The following IGFL2 variants were observed in gnomAD, a reference collection of about 807,000 sequenced individuals.
IGFL2 encodes the protein IGF like family member 2, also known as insulin growth factor-like family member 2.
Under a neutral mutation model 13.9 loss-of-function variants are expected in IGFL2, and 7 were observed. The observed-to-expected ratio is 0.51, with a 90% CI of 0.29 to 0.95. The LOEUF is 0.95. IGFL2 is among the 40% of genes least tolerant of loss of function. The pLI, the probability that IGFL2 is intolerant of heterozygous loss-of-function variation, is 0.08. For synonymous variants in IGFL2, 55 were observed against 55.8 expected, an observed-to-expected ratio of 0.99 and a Z score of 0.07; for missense variants, 138 against 147.8, an observed-to-expected ratio of 0.93 and a Z score of 0.34.
chr19:46,165,647 G>A (rs549770336), downstream of IGFL2, among the ~76,000 whole-genome samples: 28 of 152,356 alleles, frequency 1.8e-4, no homozygotes, highest in African/African-American at 6.7e-4. Context: ...TCATGCAAGA[G>A]GGACAGGGCC....
At chr19:46,136,415 A>G in the IGFL2 span, among the ~76,000 whole-genome samples, 2 of 152,348 alleles carry the variant, frequency 1.3e-5, no homozygotes, top group South Asian at 2.1e-4. Flanking sequence ...AAAAGATGCT[A>G]TAGGTTCTTT....
intron 1 of IGFL2, chr19:46,148,924 A>G: frequency 6.4e-7 from 1 of 1,555,890 alleles, no homozygotes; most frequent in Non-Finnish European, 8.7e-7. Context: ...CTCGAACCAG[A>G]CCCAGCCCTG....
At chr19:46,105,907 G>C in the IGFL2 span, among the ~76,000 whole-genome samples, 1 of 152,156 alleles carries the variant, frequency 6.6e-6, no homozygotes, top group Non-Finnish European at 1.5e-5. Context: ...TAATGAAAAG[G>C]GTTGGGATGA....
upstream of IGFL2, among the ~76,000 whole-genome samples, chr19:46,144,771 A>G (rs1158056651): frequency 1.3e-5 from 2 of 152,184 alleles, no homozygotes; most frequent in African/African-American, 4.8e-5. Context: ...AAATCAGGTT[A>G]CAGAACAGTT....
the IGFL2 span, among the ~76,000 whole-genome samples, chr19:46,118,229 A>G: frequency 6.6e-6 from 1 of 152,220 alleles, no homozygotes; most frequent in African/African-American, 2.4e-5. Flanking sequence ...TTGGAGATGA[A>G]TCATAACGGC....
chr19:46,148,327 A>C (rs1365646680), intron 1 of IGFL2, 30 bp downstream of exon 1: 10 of 1,539,946 alleles, frequency 6.5e-6, no homozygotes, highest in Admixed American at 2.0e-5. Flanking sequence ...AGGTTGAGCT[A>C]ATGCCTACTG....
At chr19:46,192,985 T>G in the IGFL2 span, among the ~76,000 whole-genome samples, 1 of 144,212 alleles carries the variant, frequency 6.9e-6, no homozygotes, top group East Asian at 2.0e-4. Context: ...AGGTCAGGAG[T>G]TCGAGACCAG....
At chr19:46,182,128 A>G in the IGFL2 span, among the ~76,000 whole-genome samples, 100,648 of 151,896 alleles carry the variant, frequency 0.66, 34,467 homozygotes, top group Non-Finnish European at 0.77. Context: ...CAACACTTTG[A>G]GAGGCCGAGG....
chr19:46,165,297 G>A (rs145093154), downstream of IGFL2, among the ~76,000 whole-genome samples: 949 of 152,348 alleles, frequency 6.2e-3, 7 homozygotes, highest in Non-Finnish European at 8.8e-3. Flanking sequence ...AACTATGGAA[G>A]GGTGCTGAAG....
chr19:46,108,221 G>A, the IGFL2 span, among the ~76,000 whole-genome samples: 1 of 152,142 alleles, frequency 6.6e-6, no homozygotes, highest in Admixed American at 6.5e-5. Context: ...GGAGACTGAA[G>A]GAACAGTCAG....
At chr19:46,206,474 T>TTG in the IGFL2 span, among the ~76,000 whole-genome samples, 1 of 152,098 alleles carries the variant, frequency 6.6e-6, no homozygotes, top group Admixed American at 6.5e-5. Context: ...TCTGAACTCT[T>TTG]TGTGTGTGTG....
chr19:46,120,968 TAAG>T, the IGFL2 span, among the ~76,000 whole-genome samples: 22 of 150,908 alleles, frequency 1.5e-4, 1 homozygote, highest in South Asian at 1.0e-3. Context: ...AAAATAAACT[TAAG>T]AAGCCTTAGG....
At chr19:46,150,918 G>A (rs142863479) in intron 1 of IGFL2, among the ~76,000 whole-genome samples, 2 of 152,236 alleles carry the variant, frequency 1.3e-5, no homozygotes, top group African/African-American at 4.8e-5. Flanking sequence ...CCTCCTCCTT[G>A]GCCTCCCAAA....
chr19:46,164,795 T>C (rs1474386753), downstream of IGFL2: 1 of 152,190 alleles, frequency 6.6e-6, no homozygotes, highest in Admixed American at 6.5e-5. Context: ...AACTTCTGAG[T>C]CTTTTTTCAG....
intron 1 of IGFL2, among the ~76,000 whole-genome samples, chr19:46,153,737 A>C (rs532061198): frequency 1.3e-5 from 2 of 151,300 alleles, no homozygotes; most frequent in Non-Finnish European, 2.9e-5. Flanking sequence ...CTGGATCGCT[A>C]ACTACTCCAG....
At chr19:46,148,573 A>G (rs999861779) in intron 1 of IGFL2, among the ~76,000 whole-genome samples, 4 of 152,156 alleles carry the variant, frequency 2.6e-5, no homozygotes, top group Admixed American at 1.3e-4. Context: ...CTGAGCTGTT[A>G]CAGCAACCAA....
At chr19:46,122,036 CTG>C in the IGFL2 span, among the ~76,000 whole-genome samples, 1 of 151,144 alleles carries the variant, frequency 6.6e-6, no homozygotes, top group Non-Finnish European at 1.5e-5. Flanking sequence ...TTAAAACATG[CTG>C]TGATATAGCT....
At chr19:46,188,961 G>A in the IGFL2 span, among the ~76,000 whole-genome samples, 1 of 152,212 alleles carries the variant, frequency 6.6e-6, no homozygotes. Context: ...GCCCTACAGG[G>A]TCTGTGGGTT....
upstream of IGFL2, among the ~76,000 whole-genome samples, chr19:46,142,254 G>T (rs1382206152): frequency 6.6e-6 from 1 of 152,074 alleles, no homozygotes; most frequent in Non-Finnish European, 1.5e-5. Context: ...GAAGTATGTT[G>T]GATGGAAAAT....
Sources: allele counts gnomAD v4.1 joint callset (sites outside exome capture counted in the v4.1 genomes callset), GRCh38; gene constraint gnomAD v4.1.1; transcripts MANE v1.5; gene names NCBI Gene and HGNC (gene_info 2026-07-23, HGNC 2026-07-21).